Variants in ARHGAP21 observed in about 807,000 individuals in gnomAD.
The protein encoded by ARHGAP21 is Rho GTPase activating protein 21, also known as rho GTPase-activating protein 21.
ARHGAP21 carries 38 observed loss-of-function variants against 164.6 expected under a neutral mutation model. The ratio of observed to expected loss-of-function variants is 0.23; its 90% CI spans 0.18 to 0.30. The LOEUF (loss-of-function observed/expected upper bound fraction) is 0.30. Ranked by LOEUF, ARHGAP21 falls within the 10% of genes least tolerant of loss-of-function variation. ARHGAP21 has a pLI of 1.00. For synonymous variants in ARHGAP21, 766 were observed against 857.9 expected, an observed-to-expected ratio of 0.89 and a Z score of 1.87; for missense variants, 1,822 against 2,370.7, an observed-to-expected ratio of 0.77 and a Z score of 4.81.
intron 2 of ARHGAP21, among the ~76,000 whole-genome samples, chr10:24,715,748 C>T (rs1014299613): frequency 3.9e-5 from 6 of 152,182 alleles, no homozygotes; most frequent in Non-Finnish European, 8.8e-5. Context: ...TGGCTCACAC[C>T]TGTAATTCCA....
chr10:24,617,283 G>A (rs1834045082), intron 9 of ARHGAP21, among the ~76,000 whole-genome samples: 2 of 151,846 alleles, frequency 1.3e-5, no homozygotes, highest in African/African-American at 2.4e-5. Context: ...GATATATCCA[G>A]CACATTTTTT....
At chr10:24,616,442 C>T (rs1833958289) in intron 9 of ARHGAP21, among the ~76,000 whole-genome samples, 2 of 152,180 alleles carry the variant, frequency 1.3e-5, no homozygotes, top group African/African-American at 4.8e-5. Context: ...AGCTAAGTTC[C>T]CCTGTATGGA....
At chr10:24,642,197 A>G (rs918884487) in intron 4 of ARHGAP21, among the ~76,000 whole-genome samples, 1 of 152,056 alleles carries the variant, frequency 6.6e-6, no homozygotes, top group African/African-American at 2.4e-5. Flanking sequence ...ATATCCATAC[A>G]CACCACTAAC....
At chr10:24,711,354 T>C (rs1304706126) in intron 2 of ARHGAP21, among the ~76,000 whole-genome samples, 2 of 150,606 alleles carry the variant, frequency 1.3e-5, no homozygotes, top group Non-Finnish European at 3.0e-5. Context: ...GAAAAGTTCA[T>C]ACCAAAAAAG....
chr10:24,662,676 G>A (rs999750768), intron 4 of ARHGAP21, among the ~76,000 whole-genome samples: 3 of 152,064 alleles, frequency 2.0e-5, no homozygotes, highest in African/African-American at 7.2e-5. Context: ...CTTTGCTTAG[G>A]AAGAAAACTA....
chr10:24,711,091 C>T (rs1230144116), intron 2 of ARHGAP21, among the ~76,000 whole-genome samples: 2 of 27,300 alleles, frequency 7.3e-5, no homozygotes, highest in Non-Finnish European at 1.2e-4. Flanking sequence ...AAGACTCCAT[C>T]TCAAAAAAAA....
intron 11 of ARHGAP21, among the ~76,000 whole-genome samples, chr10:24,606,254 A>T (rs1469102955): frequency 6.6e-6 from 1 of 151,942 alleles, no homozygotes; most frequent in East Asian, 1.9e-4. Flanking sequence ...TGCATGGTTT[A>T]AAAAAAATGA....
intron 4 of ARHGAP21, among the ~76,000 whole-genome samples, chr10:24,666,238 G>GTTCA (rs1245504737): frequency 6.6e-6 from 1 of 152,062 alleles, no homozygotes; most frequent in South Asian, 2.1e-4. Flanking sequence ...CGCTGTGTTA[G>GTTCA]CCAGGATAGT....
At chr10:24,588,337 A>G (rs1416279936) in intron 25 of ARHGAP21, among the ~76,000 whole-genome samples, 1 of 110,444 alleles carries the variant, frequency 9.1e-6, no homozygotes, top group Non-Finnish European at 2.3e-5. Flanking sequence ...TGAATTTACA[A>G]TTGATGAATC....
rs529814061 is a variant in ARHGAP21, at chr10:24,714,244, A to G, written c.63+7593T>C. The stretch of plus-strand genomic sequence containing the variant: ...TTAAATCAGCATATTGTTAACTATA[A>G]TAAGAAGACAGGACCCTTCACAAAG... On this transcript the variant is annotated intron_variant, in intron 2 of 25. Coordinates refer to ENST00000396432, the MANE Select transcript of ARHGAP21 (RefSeq NM_020824.4). 3.9e-5 allele frequency: 6 copies of G among 152,350 alleles called. No homozygotes were observed. The East Asian group carries it at 9.6e-4, about 24-fold the overall frequency. 9.4% of individuals were successfully genotyped at this position (152,350 alleles called of 1,614,324 possible).
intron 2 of ARHGAP21, among the ~76,000 whole-genome samples, chr10:24,682,138 A>T (rs1430154157): frequency 1.3e-5 from 2 of 152,130 alleles, no homozygotes; most frequent in Non-Finnish European, 2.9e-5. Context: ...CATAGGGGTC[A>T]CTGATACATA....
intron 2 of ARHGAP21, among the ~76,000 whole-genome samples, chr10:24,701,434 CTTCT>C (rs1843662977): frequency 6.6e-6 from 1 of 152,118 alleles, no homozygotes; most frequent in African/African-American, 2.4e-5. Context: ...AAAAAAGTGC[CTTCT>C]TTAATGGCAT....
chr10:24,589,182 A>G, intron 25 of ARHGAP21, 89 bp downstream of exon 25: 1 of 1,094,062 alleles, frequency 9.1e-7, no homozygotes, highest in South Asian at 1.3e-5. Context: ...CATTAGACAT[A>G]GAGAGGAATG....
intron 21 of ARHGAP21, among the ~76,000 whole-genome samples, chr10:24,593,684 TAATTCAGTACTTTCTAA>T (rs1337726882): frequency 6.6e-6 from 1 of 152,160 alleles, no homozygotes; most frequent in African/African-American, 2.4e-5. Flanking sequence ...TGCTAAAGAT[TAATTCAGTACTTTCTAA>T]ATTAACTAGA....
chr10:24,664,953 G>A (rs1268474161), intron 4 of ARHGAP21, among the ~76,000 whole-genome samples: 1 of 152,084 alleles, frequency 6.6e-6, no homozygotes, highest in Non-Finnish European at 1.5e-5. Context: ...ATAATGATCT[G>A]CATGAAGTTT....
At chr10:24,610,382 A>G (rs1255460377) in intron 9 of ARHGAP21, among the ~76,000 whole-genome samples, 3 of 152,002 alleles carry the variant, frequency 2.0e-5, no homozygotes, top group African/African-American at 7.2e-5. Context: ...CAAAAAAAAA[A>G]AAAAAAAGTC....
At chr10:24,642,200 C>A (rs986470772) in intron 4 of ARHGAP21, among the ~76,000 whole-genome samples, 1 of 152,054 alleles carries the variant, frequency 6.6e-6, no homozygotes, top group African/African-American at 2.4e-5. Flanking sequence ...TCCATACACA[C>A]CACTAACAGA....
chr10:24,597,369 T>C (rs1468731630), intron 16 of ARHGAP21, 78 bp downstream of exon 16: 1 of 1,536,224 alleles, frequency 6.5e-7, no homozygotes, highest in Non-Finnish European at 8.8e-7. Flanking sequence ...GTAGAAATGG[T>C]ACAGAAAACA....
intron 2 of ARHGAP21, among the ~76,000 whole-genome samples, chr10:24,683,407 G>A (rs953646077): frequency 2.0e-5 from 3 of 151,732 alleles, no homozygotes; most frequent in Admixed American, 1.3e-4. Flanking sequence ...CTGTATTCAG[G>A]GTTCTGGTTT....
Sources: gnomAD v4.1 joint callset for allele counts (sites outside exome capture counted in the v4.1 genomes callset) on GRCh38, gnomAD v4.1.1 for gene constraint, MANE v1.5 for transcripts, NCBI Gene and HGNC (gene_info 2026-07-23, HGNC 2026-07-21) for gene names.